Variants in MGAM2 observed in about 807,000 individuals in gnomAD.
MGAM2 encodes probable maltase-glucoamylase 2.
In MGAM2, 98 loss-of-function variants were observed where a neutral mutation model predicts 96.1. The observed-to-expected ratio is 1.02, with a 90% CI of 0.87 to 1.21. The LOEUF (loss-of-function observed/expected upper bound fraction) is 1.21. Among genes scored for constraint, MGAM2 ranks in the 50% most tolerant of loss-of-function variants. The pLI is 0.00. For synonymous variants in MGAM2, 749 were observed against 414.8 expected, an observed-to-expected ratio of 1.81 and a Z score of -9.79; for missense variants, 2,055 against 1,182.4, an observed-to-expected ratio of 1.74 and a Z score of -10.82.
At chr7:142,174,959 T>G (rs1160369094) in intron 31 of MGAM2, among the ~76,000 whole-genome samples, 1 of 152,106 alleles carries the variant, frequency 6.6e-6, no homozygotes, top group Non-Finnish European at 1.5e-5. Context: ...TCTCAGGTGA[T>G]CCACCTGCCT....
At chr7:142,161,569 T>C (rs1795887892) in intron 22 of MGAM2, among the ~76,000 whole-genome samples, 3 of 152,364 alleles carry the variant, frequency 2.0e-5, no homozygotes, top group Admixed American at 2.0e-4. Flanking sequence ...ATTTGTATTG[T>C]ATGTCTTTTC....
In MGAM2 at chr7:142,222,199, C is replaced by A. The variant is rs1312150187; in HGVS notation, c.*140C>A. 5.1e-6 allele frequency: 2 copies of A among 395,134 alleles called. No individual in the cohort carries two copies. The highest frequency in any genetic ancestry group is 4.1e-5 in the African/African-American group (2 of 48,528). 24.5% of individuals were successfully genotyped at this position (395,134 alleles called of 1,614,324 possible). A position where few individuals can be genotyped will look rare whatever the true frequency, so the allele number is the denominator to read the frequency against. ...ATATTAGTACTCTAGCCATAAAAGACACAGCTACTCCAAACACTCTCGTCA... is the reference window on the plus strand; with the variant it reads ...ATATTAGTACTCTAGCCATAAAAGAAACAGCTACTCCAAACACTCTCGTCA... On this transcript the variant is annotated 3_prime_UTR_variant, in exon 48 of 48. Coordinates refer to ENST00000477922, the MANE Select transcript of MGAM2 (RefSeq NM_001293626.2).
intron 32 of MGAM2, among the ~76,000 whole-genome samples, chr7:142,181,176 T>C (rs1796528595): frequency 6.6e-6 from 1 of 152,208 alleles, no homozygotes; most frequent in African/African-American, 2.4e-5. Context: ...GATGTTCCTT[T>C]ATCTTTTTGA....
chr7:142,164,651 G>A (rs1203216106), intron 23 of MGAM2, among the ~76,000 whole-genome samples: 3 of 152,080 alleles, frequency 2.0e-5, no homozygotes, highest in African/African-American at 7.2e-5. Flanking sequence ...GTGAACAAAA[G>A]CAAAGATGAA....
At position 142,221,046 on chromosome 7, in the gene MGAM2, C is replaced by G; in HGVS notation, c.6535C>G (p.Pro2179Ala). ...TGATACTGTTCCTAATAATACTGTT[C>G]CAGTTACAGCTATTCCTTCTCTTGC... ...TDDTVPNNTVPVTAIPSLANT... is the reference protein window; with the variant it reads ...TDDTVPNNTVAVTAIPSLANT... The change falls in exon 48 of 48, where the codon CCA (proline) becomes GCA (alanine). Residue 2179 changes from proline (P) to alanine (A), a missense_variant. Pro to Ala is a conservative substitution (Grantham distance 27). Transcript: ENST00000477922. The G allele has an allele frequency of 1.4e-6, 1 of 702,484 alleles. No homozygotes were observed. The highest frequency in any genetic ancestry group is 1.5e-5 in the South Asian group (1 of 67,588). 43.5% of individuals were successfully genotyped at this position (702,484 alleles called of 1,614,324 possible).
At position 142,196,714 on chromosome 7, in the gene MGAM2, C is replaced by T. The variant is rs187193583; in HGVS notation, c.4530C>T (p.Ile1510=). ...LFGIPYTGAD[I]CGFFGDAEYE... Reference sequence around the variant, plus strand: ...CATCTTCTCAGACAGGAGCAGATATCTGTGGGTTCTTTGGAGATGCTGAAT... The same window carrying T: ...CATCTTCTCAGACAGGAGCAGATATTTGTGGGTTCTTTGGAGATGCTGAAT... Residue 1510 remains isoleucine (I), a synonymous_variant, in exon 40 of 48, where the codon ATC becomes ATT. Coordinates refer to ENST00000477922, the MANE Select transcript of MGAM2 (RefSeq NM_001293626.2). 6.3e-6 allele frequency: 5 copies of T among 788,344 alleles called. No homozygotes were observed. The highest frequency in any genetic ancestry group is 1.2e-5 in the Non-Finnish European group (5 of 425,234). 48.8% of individuals were successfully genotyped at this position (788,344 alleles called of 1,614,324 possible).
chr7:142,123,120 C>T (rs927763954), intron 3 of MGAM2, among the ~76,000 whole-genome samples: 1 of 152,046 alleles, frequency 6.6e-6, no homozygotes, highest in Admixed American at 6.6e-5. Context: ...CCGCGCCCGA[C>T]CTCAAAATTA....
rs931307328 is a variant in MGAM2 at position 142,141,034 on chromosome 7, C to A, written c.1232C>A (p.Ser411Tyr). The A allele has an allele frequency of 1.4e-6, 1 of 698,308 alleles. No individual in the cohort carries two copies. The highest frequency in any genetic ancestry group is 1.5e-5 in the South Asian group (1 of 65,458). 43.3% of individuals were successfully genotyped at this position (698,308 alleles called of 1,614,324 possible). The part of the protein sequence containing the change: ...KYLIIMNPGI[S>Y]KNSNYEPYNN... ...TTTCTTTATTAGAATCCTGGCATCTCCAAAAACTCTAACTACGAGCCCTAT... is the reference window on the plus strand; with the variant it reads ...TTTCTTTATTAGAATCCTGGCATCTACAAAAACTCTAACTACGAGCCCTAT... The change falls in exon 12 of 48, where the codon TCC becomes TAC. Residue 411 changes from serine to tyrosine, a missense_variant. Coordinates refer to ENST00000477922, the MANE Select transcript of MGAM2 (RefSeq NM_001293626.2).
At chr7:142,161,273 A>C in intron 22 of MGAM2, 60 bp downstream of exon 22, 1 of 692,374 alleles carries the variant, frequency 1.4e-6, no homozygotes. Flanking sequence ...AAAATTAGTC[A>C]TCATAGGCTG....
At chr7:142,164,069 T>C (rs939181488) in intron 23 of MGAM2, among the ~76,000 whole-genome samples, 1 of 152,202 alleles carries the variant, frequency 6.6e-6, no homozygotes, top group Non-Finnish European at 1.5e-5. Flanking sequence ...TTTTATATAA[T>C]ATGTAAGATT....
At position 142,220,277 on chromosome 7, in the gene MGAM2, C is replaced by T. The variant is rs1468340743; in HGVS notation, c.5766C>T (p.Ala1922=). 1.4e-5 allele frequency: 10 copies of T among 701,462 alleles called. No homozygotes were observed. The East Asian group carries it at 2.7e-4, about 19-fold the overall frequency. 43.5% of individuals were successfully genotyped at this position (701,462 alleles called of 1,614,324 possible). ...ATGCTACTGTTCCCAATACAACTGC[C>T]CCTTTCCCAACAAATGCTAGTACTG... ...TTNATVPNTT[A]PFPTNASTAS... Residue 1922 remains alanine (A), a synonymous_variant, in exon 48 of 48, where the codon GCC becomes GCT. Transcript: ENST00000477922.
At position 142,189,471 on chromosome 7, in the gene MGAM2, C is replaced by A; in HGVS notation, c.4312C>A (p.Leu1438Met). The change falls in exon 37 of 48, where the codon CTG (leucine) becomes ATG (methionine). Residue 1438 changes from leucine to methionine, a missense_variant. Transcript: ENST00000477922. Reference sequence around the variant, plus strand: ...CGTGGAGCACTACAACGTGCACAACCTGTACGGGTGGTCCCAGACCAGACC... The same window carrying A: ...CGTGGAGCACTACAACGTGCACAACATGTACGGGTGGTCCCAGACCAGACC... Reference protein sequence around the residue: ...SPVEHYNVHNLYGWSQTRPTY... With the variant: ...SPVEHYNVHNMYGWSQTRPTY... The A allele has an allele frequency of 1.2e-6, 1 of 866,792 alleles. No individual in the cohort carries two copies. The highest frequency in any genetic ancestry group is 1.9e-6 in the Non-Finnish European group (1 of 522,876). The allele number at this position is 866,792 out of a possible 1,614,324, so 53.7% of individuals were successfully genotyped here.
At position 142,185,996 on chromosome 7, in the gene MGAM2, G is replaced by A; in HGVS notation, c.3995G>A (p.Arg1332Lys). The change falls in exon 35 of 48, where the codon AGG becomes AAG. Residue 1332 changes from arginine to lysine, a missense_variant. By Grantham distance (26) the Arg-to-Lys change is conservative (BLOSUM62 2). Transcript: ENST00000477922. The part of the protein sequence containing the change: ...LDHETQVKLY[R>K]AYVAFPDFFR... ...TGTGTGTTATTCTTACAGCTTTACA[G>A]GGCCTACGTTGCCTTTCCTGACTTC... 5.7e-6 allele frequency: 4 copies of A among 703,322 alleles called. No homozygotes were observed. The highest frequency in any genetic ancestry group is 1.0e-5 in the Non-Finnish European group (4 of 385,018). 43.6% of individuals were successfully genotyped at this position (703,322 alleles called of 1,614,324 possible). A position where few individuals can be genotyped will look rare whatever the true frequency, so the allele number is the denominator to read the frequency against.
chr7:142,133,611 C>T (rs984693645), intron 6 of MGAM2, among the ~76,000 whole-genome samples: 1 of 152,082 alleles, frequency 6.6e-6, no homozygotes, highest in African/African-American at 2.4e-5. Context: ...TACCTATCCT[C>T]AACAGTATCA....
chr7:142,134,211 T>G (rs1488907893), intron 7 of MGAM2, 59 bp downstream of exon 7: 2 of 659,240 alleles, frequency 3.0e-6, no homozygotes, highest in East Asian at 5.5e-5. Flanking sequence ...CTTCCTTTCC[T>G]AAAAGTAGCC....
At chr7:142,153,099 G>T (rs1250477388) in intron 15 of MGAM2, among the ~76,000 whole-genome samples, 2 of 150,054 alleles carry the variant, frequency 1.3e-5, no homozygotes, top group Non-Finnish European at 3.0e-5. Flanking sequence ...GGGTTCAAAC[G>T]ATTCTGCTGC....
At chr7:142,139,801 C>T (rs1172723342) in intron 10 of MGAM2, among the ~76,000 whole-genome samples, 2 of 151,242 alleles carry the variant, frequency 1.3e-5, no homozygotes, top group African/African-American at 2.4e-5. Flanking sequence ...TCAATTTTTC[C>T]TGTAAAAAAA....
chr7:142,176,122 C>T (rs943861632), intron 32 of MGAM2, among the ~76,000 whole-genome samples: 1 of 143,692 alleles, frequency 7.0e-6, no homozygotes, highest in Non-Finnish European at 1.5e-5. Context: ...GGGGGCATCT[C>T]ACTGTTTCAG....
At chr7:142,122,056 A>T (rs964262862) in intron 3 of MGAM2, among the ~76,000 whole-genome samples, 1 of 152,118 alleles carries the variant, frequency 6.6e-6, no homozygotes, top group African/African-American at 2.4e-5. Context: ...ACTTTTTTTT[A>T]AAAGAAATGG....
Sources: gnomAD v4.1 joint callset for allele counts (sites outside exome capture counted in the v4.1 genomes callset) on GRCh38, gnomAD v4.1.1 for gene constraint, MANE v1.5 for transcripts, NCBI Gene and HGNC (gene_info 2026-07-23, HGNC 2026-07-21) for gene names.